Variants in FSIP1 observed in about 807,000 individuals in gnomAD.
FSIP1 encodes the protein fibrous sheath interacting protein 1, also known as fibrous sheath-interacting protein 1.
A neutral mutation model predicts 60.9 loss-of-function variants in FSIP1; 65 were observed. The ratio of observed to expected loss-of-function variants is 1.07; its 90% CI spans 0.87 to 1.31. FSIP1 has a LOEUF of 1.31. FSIP1 is among the 40% of genes most tolerant of loss of function. The pLI is 0.00. For missense variants in FSIP1, 675 were observed against 665.5 expected (o/e 1.01, Z -0.16); for synonymous variants, 209 against 221.2 (o/e 0.94, Z 0.49).
intron 2 of FSIP1, among the ~76,000 whole-genome samples, chr15:39,772,661 G>C (rs564193268): frequency 6.6e-6 from 1 of 151,214 alleles, no homozygotes; most frequent in East Asian, 2.0e-4. Context: ...TGCGATATCG[G>C]CTCACTGCAG....
In FSIP1 at chr15:39,600,927, C is replaced by G; in HGVS notation, c.1700-1G>C. The G allele has an allele frequency of 6.2e-7, 1 of 1,608,536 alleles. No individual in the cohort carries two copies. Among genetic ancestry groups the G allele is most frequent in the Non-Finnish European group, 8.5e-7 (1 of 1,177,814 alleles). On this transcript the variant is annotated splice_acceptor_variant, in intron 11 of 11. Transcript: ENST00000350221. LOFTEE classifies it high-confidence loss of function. ...GCTGCATCTTTAGTCTCCTGCTCAT[C>G]TGCACATAAAAACAATAACCACAGT... is the stretch of plus-strand genomic sequence containing the variant.
At chr15:39,762,303 G>C (rs1422376209) in intron 5 of FSIP1, among the ~76,000 whole-genome samples, 1 of 152,158 alleles carries the variant, frequency 6.6e-6, no homozygotes, top group Non-Finnish European at 1.5e-5. Context: ...GGTCTTCCTA[G>C]CTTCTTTTGG....
At chr15:39,698,907 AG>A (rs750341552) in intron 10 of FSIP1, among the ~76,000 whole-genome samples, 19 of 152,208 alleles carry the variant, frequency 1.2e-4, no homozygotes, top group Non-Finnish European at 2.2e-4. Context: ...GGCATAACCA[AG>A]GTTGGTTTAT....
chr15:39,617,977 T>G lies in FSIP1; in HGVS notation c.1457A>C (p.Lys486Thr), dbSNP rs1325218194. The change falls in exon 11 of 12, where the codon AAA becomes ACA. Residue 486 changes from lysine (K) to threonine (T), a missense_variant. Coordinates refer to ENST00000350221, the MANE Select transcript of FSIP1 (RefSeq NM_152597.5). The stretch of plus-strand genomic sequence containing the variant: ...TGACATGTTATGTCCAGTCAAGGCT[T>G]TAGTGAGATAGTAGCCTTTAGAAGC... ...CEASKGYYLT[K>T]ALTGHNMSEA... is the part of the protein sequence containing the mutation. 6.2e-7 allele frequency: 1 copy of G among 1,614,098 alleles called. No individual in the cohort carries two copies. Among genetic ancestry groups the G allele is most frequent in the African/African-American group, 1.3e-5 (1 of 74,948 alleles).
At chr15:39,647,211 C>T (rs1892653761) in intron 10 of FSIP1, among the ~76,000 whole-genome samples, 1 of 152,158 alleles carries the variant, frequency 6.6e-6, no homozygotes, top group African/African-American at 2.4e-5. Context: ...GTTAGTAATA[C>T]TGCCTTTTAT....
intron 5 of FSIP1, among the ~76,000 whole-genome samples, chr15:39,742,582 G>T (rs1446794191): frequency 6.6e-6 from 1 of 152,126 alleles, no homozygotes; most frequent in Non-Finnish European, 1.5e-5. Context: ...AATCTGCCAG[G>T]TTGCAGCACA....
At chr15:39,687,144 T>TTC in intron 10 of FSIP1, among the ~76,000 whole-genome samples, 1 of 126,720 alleles carries the variant, frequency 7.9e-6, no homozygotes, top group Non-Finnish European at 1.7e-5. Context: ...TTCCTTTTTT[T>TTC]TTTTTTTTTT....
At chr15:39,647,594 C>T (rs185531133) in intron 10 of FSIP1, among the ~76,000 whole-genome samples, 3 of 152,200 alleles carry the variant, frequency 2.0e-5, no homozygotes, top group East Asian at 1.9e-4. Context: ...TACCCCATGA[C>T]ATCACTGGTA....
chr15:39,647,985 A>T (rs146896827), intron 10 of FSIP1, among the ~76,000 whole-genome samples: 25 of 148,268 alleles, frequency 1.7e-4, no homozygotes, highest in African/African-American at 6.1e-4. Flanking sequence ...ACATGGACAC[A>T]TGAAGGGGAA....
chr15:39,770,466 G>T lies in FSIP1; in HGVS notation c.271C>A (p.Leu91Met), dbSNP rs745441397. 5 of 1,608,502 alleles carry T rather than the reference G, an allele frequency of 3.1e-6. No individual in the cohort carries two copies. Among genetic ancestry groups the T allele is most frequent in the Non-Finnish European group, 3.4e-6 (4 of 1,178,866 alleles). Residue 91 changes from leucine (L) to methionine (M), a missense_variant, in exon 3 of 12, where the codon CTG becomes ATG. Transcript: ENST00000350221. ...KLAEEGSDED[L>M]DLVQHQIISE... ...ATTATCTGATGTTGAACCAAATCCAGATCTTCATCTGATCCCTCTTCAGCC... is the reference window on the plus strand; with the variant it reads ...ATTATCTGATGTTGAACCAAATCCATATCTTCATCTGATCCCTCTTCAGCC...
At chr15:39,701,826 G>A (rs1895071170) in intron 10 of FSIP1, among the ~76,000 whole-genome samples, 1 of 152,070 alleles carries the variant, frequency 6.6e-6, no homozygotes, top group Admixed American at 6.6e-5. Flanking sequence ...TTTATGTGTT[G>A]GGGATGGGAG....
chr15:39,752,827 A>C (rs558394461), intron 5 of FSIP1, among the ~76,000 whole-genome samples: 9 of 152,130 alleles, frequency 5.9e-5, no homozygotes, highest in African/African-American at 2.2e-4. Context: ...GAACCATACA[A>C]ATGCAAGATA....
At chr15:39,729,527 C>T (rs891750451) in intron 8 of FSIP1, among the ~76,000 whole-genome samples, 6 of 151,856 alleles carry the variant, frequency 4.0e-5, no homozygotes, top group African/African-American at 9.7e-5. Context: ...TGAGCCATGA[C>T]GACATCACTG....
chr15:39,766,713 G>A (rs568017283), intron 3 of FSIP1, among the ~76,000 whole-genome samples: 3 of 152,314 alleles, frequency 2.0e-5, no homozygotes, highest in Non-Finnish European at 4.4e-5. Flanking sequence ...TGCTCAAACA[G>A]TAAGTCTCAG....
intron 9 of FSIP1, among the ~76,000 whole-genome samples, chr15:39,719,963 A>C (rs2664135): frequency 0.59 from 89,867 of 152,040 alleles, 29,480 homozygotes; most frequent in Non-Finnish European, 0.75. Flanking sequence ...CCTCAAACCC[A>C]GAAATGCATG....
chr15:39,625,473 G>A (rs376149087), intron 10 of FSIP1, among the ~76,000 whole-genome samples: 1 of 152,160 alleles, frequency 6.6e-6, no homozygotes, highest in South Asian at 2.1e-4. Flanking sequence ...CTAACAGGGT[G>A]ACTTTGCTTT....
intron 1 of FSIP1, among the ~76,000 whole-genome samples, chr15:39,782,135 C>G (rs1176674143): frequency 6.6e-6 from 1 of 152,244 alleles, no homozygotes; most frequent in Non-Finnish European, 1.5e-5. Flanking sequence ...ACTACTTCCC[C>G]TACACTGGGC....
intron 11 of FSIP1, among the ~76,000 whole-genome samples, chr15:39,609,990 A>G (rs1240379239): frequency 6.6e-6 from 1 of 152,246 alleles, no homozygotes; most frequent in Non-Finnish European, 1.5e-5. Context: ...AAGGTCTACC[A>G]CTGTGAAAGA....
intron 8 of FSIP1, among the ~76,000 whole-genome samples, chr15:39,735,928 C>G (rs1460980132): frequency 6.6e-6 from 1 of 152,174 alleles, no homozygotes; most frequent in Non-Finnish European, 1.5e-5. Flanking sequence ...CATATCTTGT[C>G]CCACTGGAAG....
Sources: allele counts gnomAD v4.1 joint callset (sites outside exome capture counted in the v4.1 genomes callset), GRCh38; gene constraint gnomAD v4.1.1; transcripts MANE v1.5; gene names NCBI Gene and HGNC (gene_info 2026-07-23, HGNC 2026-07-21).